Variants in F2 observed in about 807,000 individuals in gnomAD.
F2 encodes prothrombin.
In F2, 34 loss-of-function variants were observed where a neutral mutation model predicts 81.9. The ratio of observed to expected loss-of-function variants is 0.42; its 90% CI spans 0.32 to 0.55. F2 has a LOEUF of 0.55. Ranked by LOEUF, F2 falls within the 20% of genes least tolerant of loss-of-function variation. The pLI, the probability that F2 is intolerant of heterozygous loss-of-function variation, is 0.18. For missense variants in F2, 630 were observed against 833.4 expected (o/e 0.76, Z 3.00); for synonymous variants, 296 against 326.4 (o/e 0.91, Z 1.01).
intron 6 of F2, among the ~76,000 whole-genome samples, chr11:46,725,168 C>T (rs2064864167): frequency 6.9e-6 from 1 of 144,628 alleles, no homozygotes; most frequent in Non-Finnish European, 1.5e-5. Flanking sequence ...CTCCTGGGTT[C>T]AGGCGATTCT....
rs2064822388 is a variant in F2, at chr11:46,719,648, C to T, written c.80-54C>T. ...GCTTGCTTCATGCCCCCAGAATGGCCAAGACTGCCTGTTCCTGAGGCCGCT... is the reference window on the plus strand; with the variant it reads ...GCTTGCTTCATGCCCCCAGAATGGCTAAGACTGCCTGTTCCTGAGGCCGCT... On this transcript the variant is annotated intron_variant, in intron 1 of 13. Coordinates refer to ENST00000311907, the MANE Select transcript of F2 (RefSeq NM_000506.5). The surrounding 1 kb of genome is among the most constrained non-coding windows in gnomAD (Gnocchi z 4.7). The T allele has an allele frequency of 6.4e-7, 1 of 1,553,446 alleles. No homozygotes were observed. The highest frequency in any genetic ancestry group is 1.4e-5 in the African/African-American group (1 of 73,406).
chr11:46,732,406 T>A (rs1347543069), intron 12 of F2, among the ~76,000 whole-genome samples: 1 of 152,020 alleles, frequency 6.6e-6, no homozygotes, highest in Non-Finnish European at 1.5e-5. Context: ...TTTTTCTTTT[T>A]TTTTGAGATG....
At chr11:46,738,550 T>C (rs2064958457) in intron 12 of F2, among the ~76,000 whole-genome samples, 1 of 152,170 alleles carries the variant, frequency 6.6e-6, no homozygotes, top group South Asian at 2.1e-4. Context: ...CACGGCTCAC[T>C]GCAGCCTTAA....
intron 12 of F2, among the ~76,000 whole-genome samples, chr11:46,733,851 C>T (rs539309248): frequency 1.5e-5 from 2 of 135,880 alleles, no homozygotes; most frequent in East Asian, 4.8e-4. Context: ...TGCAATGGCA[C>T]GATTTTGGCT....
At chr11:46,721,070 A>C (rs2064833344) in intron 4 of F2, among the ~76,000 whole-genome samples, 1 of 151,874 alleles carries the variant, frequency 6.6e-6, no homozygotes, top group Admixed American at 6.6e-5. Context: ...TTTGAGACAG[A>C]GTCTCGCTCT....
At chr11:46,724,028 CACTCTTG>C (rs1365911603) in intron 6 of F2, among the ~76,000 whole-genome samples, 1 of 152,162 alleles carries the variant, frequency 6.6e-6, no homozygotes, top group Non-Finnish European at 1.5e-5. Flanking sequence ...TCCCCCTCCC[CACTCTTG>C]ACTTCCTTAT....
At position 46,726,823 on chromosome 11, in the gene F2, C is replaced by G. The variant is rs559855157; in HGVS notation, c.1116C>G (p.Ile372Met). The change falls in exon 9 of 14, where the codon ATC (isoleucine) becomes ATG (methionine). Residue 372 changes from isoleucine (I) to methionine (M), a missense_variant. By Grantham distance (10) the Ile-to-Met change is conservative. Transcript: ENST00000311907. The surrounding 1 kb of genome is among the most constrained non-coding windows in gnomAD (Gnocchi z 5.9). The part of the protein sequence containing the change: ...GRIVEGSDAE[I>M]GMSPWQVMLF... ...TTGTGGAGGGCTCGGATGCAGAGAT[C>G]GGCATGTCACCTTGGTGTGTCCTGG... The G allele has an allele frequency of 5.0e-6, 8 of 1,613,948 alleles. No homozygotes were observed. Among genetic ancestry groups the G allele is most frequent in the Non-Finnish European group, 1.7e-6 (2 of 1,180,006 alleles).
chr11:46,735,337 A>G (rs1040685952), intron 12 of F2, among the ~76,000 whole-genome samples: 15 of 152,122 alleles, frequency 9.9e-5, no homozygotes, highest in Non-Finnish European at 2.1e-4. Context: ...GCTACTCAGG[A>G]GGCTGAGGCA....
Position 46,739,002 on chromosome 11 carries a change from G to T in F2, c.1655-46G>T, listed in dbSNP as rs764455171. The T allele has an allele frequency of 3.1e-6, 5 of 1,604,254 alleles. No individual in the cohort carries two copies. In the African/African-American group the frequency reaches 6.7e-5, roughly 21 times the overall value. On this transcript the variant is annotated intron_variant, in intron 12 of 13. Coordinates refer to ENST00000311907, the MANE Select transcript of F2 (RefSeq NM_000506.5). ...TGTGTCTCGTGAAGGGGCGTGGCTG[G>T]GCTATGAGCTATGCTCCTGAGCACA...
At chr11:46,722,879 C>T (rs903090350) in intron 4 of F2, among the ~76,000 whole-genome samples, 1 of 152,186 alleles carries the variant, frequency 6.6e-6, no homozygotes, top group Non-Finnish European at 1.5e-5. Context: ...CTTTTTCATC[C>T]TGCTGGCCAA....
intron 12 of F2, among the ~76,000 whole-genome samples, chr11:46,734,384 G>A (rs756328716): frequency 1.3e-5 from 2 of 151,860 alleles, no homozygotes; most frequent in Non-Finnish European, 2.9e-5. Context: ...GATATACATT[G>A]CAAATGTTTT....
rs377331494 is a variant in F2 at position 46,719,890 on chromosome 11, G to A, written c.240+28G>A. ...GAGCCTGGGCTGCTCGGACGGTGCC[G>A]GGGCCTCAGACCGGGCCCAACTCTA... On this transcript the variant is annotated intron_variant, in intron 2 of 13. Coordinates refer to ENST00000311907, the MANE Select transcript of F2 (RefSeq NM_000506.5). The surrounding 1 kb of genome is among the most constrained non-coding windows in gnomAD (Gnocchi z 4.7). The A allele has an allele frequency of 2.0e-5, 31 of 1,550,240 alleles. No individual in the cohort carries two copies. Among genetic ancestry groups the A allele is most frequent in the African/African-American group, 9.6e-5 (7 of 73,280 alleles).
Position 46,725,901 on chromosome 11 carries a change from G to T in F2, c.602G>T (p.Gly201Val). Reference protein sequence around the residue: ...VTVAMTPRSEGSSVNLSPPLE... With the variant: ...VTVAMTPRSEVSSVNLSPPLE... ...GTAGCGATGACTCCACGCTCCGAAG[G>T]CTCCAGTGTGAATCTGTCACCTCCA... Residue 201 changes from glycine to valine, a missense_variant, in exon 7 of 14, where the codon GGC becomes GTC. Gly to Val is a moderately radical substitution (Grantham distance 109). Coordinates refer to ENST00000311907, the MANE Select transcript of F2 (RefSeq NM_000506.5). 1 of 1,613,602 alleles carries T rather than the reference G, an allele frequency of 6.2e-7. No individual in the cohort carries two copies. The highest frequency in any genetic ancestry group is 8.5e-7 in the Non-Finnish European group (1 of 1,180,044).
Position 46,726,573 on chromosome 11 carries a change from C to T in F2, c.950C>T (p.Thr317Ile). The T allele has an allele frequency of 6.2e-7, 1 of 1,614,128 alleles. No individual in the cohort carries two copies. The highest frequency in any genetic ancestry group is 2.2e-5 in the East Asian group (1 of 44,874). ...SDRAIEGRTA[T>I]SEYQTFFNPR... ...AGGGCCATCGAAGGGCGTACCGCCA[C>T]CAGTGAGTACCAGACTTTCTTCAAT... The change falls in exon 8 of 14, where the codon ACC becomes ATC. Residue 317 changes from threonine (T) to isoleucine (I), a missense_variant. By Grantham distance (89) the Thr-to-Ile change is moderately conservative. Transcript: ENST00000311907. This position sits in a 1 kb window ranked among gnomAD's most constrained non-coding sequence, Gnocchi z 5.9.
In F2 at chr11:46,728,502, C is replaced by T. The variant is rs781624277; in HGVS notation, c.1299-162C>T. Reference sequence around the variant, plus strand: ...CCAAAGCCCTGCACGGCTTTAGGCCCAGGAAGAAACACCCAGGGGGCTGCC... The same window carrying T: ...CCAAAGCCCTGCACGGCTTTAGGCCTAGGAAGAAACACCCAGGGGGCTGCC... On this transcript the variant is annotated intron_variant, in intron 10 of 13. Transcript: ENST00000311907. This position sits in a 1 kb window ranked among gnomAD's most constrained non-coding sequence, Gnocchi z 5.1. 6.6e-6 allele frequency among the ~76,000 whole-genome samples: 1 copy of T among 152,182 alleles called. No homozygotes were observed. The highest frequency in any genetic ancestry group is 1.5e-5 in the Non-Finnish European group (1 of 68,032).
chr11:46,731,864 G>A (rs2064913691), intron 12 of F2, among the ~76,000 whole-genome samples: 2 of 144,138 alleles, frequency 1.4e-5, no homozygotes, highest in South Asian at 4.4e-4. Context: ...TGTAACTTCT[G>A]TTTTTCCCTT....
chr11:46,727,856 G>A lies in F2; in HGVS notation c.1131-140G>A, dbSNP rs537499551. 1.7e-4 allele frequency: 151 copies of A among 870,828 alleles called. 2 individuals are homozygous for A. The South Asian group carries it at 2.3e-3, about 13-fold the overall frequency. 53.9% of individuals were successfully genotyped at this position (870,828 alleles called of 1,614,324 possible). A position where few individuals can be genotyped will look rare whatever the true frequency, so the allele number is the denominator to read the frequency against. On this transcript the variant is annotated intron_variant, in intron 9 of 13. Transcript: ENST00000311907. ...CACGGAGGCTCCAGGCCCCAAAGGC[G>A]GCCAGCCCAAGCTTGGATCTGGGCC...
rs1265104134 is a variant in F2 at position 46,719,363 on chromosome 11, G to A, written c.79+49G>A. ...AACAGGCTGGAGGACTGGGGTGTGG[G>A]CCCATGGGCTGGGGTCTCCTGGCTG... On this transcript the variant is annotated intron_variant, in intron 1 of 13. Coordinates refer to ENST00000311907, the MANE Select transcript of F2 (RefSeq NM_000506.5). The surrounding 1 kb of genome is among the most constrained non-coding windows in gnomAD (Gnocchi z 4.7). 22 of 1,579,384 alleles carry A rather than the reference G, an allele frequency of 1.4e-5. No homozygotes were observed. Among genetic ancestry groups the A allele is most frequent in the Non-Finnish European group, 1.9e-5 (22 of 1,160,158 alleles).
At chr11:46,727,541 G>T (rs1262245326) in intron 9 of F2, among the ~76,000 whole-genome samples, 1 of 152,022 alleles carries the variant, frequency 6.6e-6, no homozygotes, top group Non-Finnish European at 1.5e-5. Context: ...ACTTTGGGAG[G>T]CCAAGACAGG....
Sources: allele counts gnomAD v4.1 joint callset (sites outside exome capture counted in the v4.1 genomes callset), GRCh38; gene constraint gnomAD v4.1.1; non-coding constraint Gnocchi (gnomAD v3.1); transcripts MANE v1.5; gene names NCBI Gene and HGNC (gene_info 2026-07-23, HGNC 2026-07-21).